UNC13C: variants seen among roughly 807,000 people sequenced by gnomAD.
The protein encoded by UNC13C is unc-13 homolog C, also known as protein unc-13 homolog C.
Under a neutral mutation model 245.4 loss-of-function variants are expected in UNC13C, and 174 were observed. The observed-to-expected ratio is 0.71, with a 90% CI of 0.63 to 0.80. UNC13C has a LOEUF of 0.80. Ranked by LOEUF, UNC13C falls within the 30% of genes least tolerant of loss-of-function variation. The pLI, the probability that UNC13C is intolerant of heterozygous loss-of-function variation, is 0.00. For synonymous variants in UNC13C, 992 were observed against 895.1 expected (o/e 1.11, Z -1.93); for missense variants, 2,829 against 2,602.9 (o/e 1.09, Z -1.89).
intron 4 of UNC13C, among the ~76,000 whole-genome samples, chr15:54,231,004 C>T (rs75873755): frequency 0.011 from 1,618 of 152,088 alleles, 30 homozygotes; most frequent in African/African-American, 0.037. Flanking sequence ...CTACTTCCAT[C>T]GATGTCTTCA....
intron 30 of UNC13C, chr15:54,611,594 A>T (rs1253219502): frequency 1.3e-5 from 2 of 152,158 alleles, no homozygotes; most frequent in East Asian, 3.9e-4. Context: ...CAACTATTTT[A>T]AACTCTTCTG....
At chr15:54,235,184 T>C in intron 5 of UNC13C, 76 bp downstream of exon 5, 57 of 1,250,996 alleles carry the variant, frequency 4.6e-5, no homozygotes, top group Middle Eastern at 1.9e-4. Context: ...GTCCTTCTCA[T>C]TCACTGTCTA....
chr15:54,008,387 A>C (rs1295466050), intron 1 of UNC13C, among the ~76,000 whole-genome samples: 1 of 152,234 alleles, frequency 6.6e-6, no homozygotes, highest in Non-Finnish European at 1.5e-5. Flanking sequence ...AAATGAGATA[A>C]ACTTTAGAAA....
chr15:54,233,287 A>G (rs1439813756), intron 4 of UNC13C, among the ~76,000 whole-genome samples: 1 of 152,036 alleles, frequency 6.6e-6, no homozygotes, highest in African/African-American at 2.4e-5. Flanking sequence ...CCCTGAACAC[A>G]TTCTCTTCAG....
At chr15:54,353,818 T>A (rs542148724) in intron 17 of UNC13C, among the ~76,000 whole-genome samples, 1 of 152,194 alleles carries the variant, frequency 6.6e-6, no homozygotes, top group Non-Finnish European at 1.5e-5. Context: ...ACTCCTGGGG[T>A]TCTGTCCTTG....
At chr15:54,375,570 T>C (rs186021690) in intron 17 of UNC13C, among the ~76,000 whole-genome samples, 64 of 152,342 alleles carry the variant, frequency 4.2e-4, no homozygotes, top group Admixed American at 9.8e-4. Flanking sequence ...TAAGTTTGAA[T>C]TGAATCAATG....
rs529076917 is a variant in UNC13C, at chr15:54,296,391, T to TTTTTTTTG, written c.3989-1419_3989-1418insTTTTTTGT. Among the ~76,000 whole-genome samples, 60 of 137,892 alleles carry TTTTTTTTG rather than the reference T, an allele frequency of 4.4e-4. 1 individual carries two copies. The highest frequency in any genetic ancestry group is 1.5e-3 in the African/African-American group (51 of 34,110). 90.5% of individuals were successfully genotyped at this position (137,892 alleles called of 152,430 possible). On this transcript the variant is annotated intron_variant, in intron 11 of 32. Transcript: ENST00000260323. ...AATTTTTTTTTTTTTTTATTTTTTT[T>TTTTTTTTG]TATTTTTTAGTGGAGACGGGGTTTC...
At chr15:54,141,263 G>T (rs2032004907) in intron 2 of UNC13C, among the ~76,000 whole-genome samples, 1 of 151,894 alleles carries the variant, frequency 6.6e-6, no homozygotes. Context: ...TGCATGTTTT[G>T]ATTACTAGAT....
intron 30 of UNC13C, among the ~76,000 whole-genome samples, chr15:54,615,865 A>C (rs989057596): frequency 5.9e-5 from 9 of 152,058 alleles, no homozygotes; most frequent in East Asian, 5.8e-4. Context: ...GAAAGAATCC[A>C]GAACTGAAAA....
chr15:54,147,540 A>G lies in UNC13C; in HGVS notation c.3071+3856A>G, dbSNP rs187611282. Among the ~76,000 whole-genome samples, 15 of 152,200 alleles carry G rather than the reference A, an allele frequency of 9.9e-5. No individual in the cohort carries two copies. The East Asian group carries it at 2.3e-3, about 24-fold the overall frequency. On this transcript the variant is annotated intron_variant, in intron 4 of 32. Coordinates refer to ENST00000260323, the MANE Select transcript of UNC13C (RefSeq NM_001080534.3). ...AGCCTGATGAAACTACTTTTATTCA[A>G]TGATAGTGAACAAAGTCACATGAGT...
intron 2 of UNC13C, among the ~76,000 whole-genome samples, chr15:54,136,727 T>A (rs1254526726): frequency 2.6e-5 from 4 of 152,166 alleles, no homozygotes; most frequent in African/African-American, 9.7e-5. Flanking sequence ...TCCCTCGATA[T>A]CTGATTTGCT....
chr15:53,927,745 G>C, the UNC13C span, among the ~76,000 whole-genome samples: 1 of 152,158 alleles, frequency 6.6e-6, no homozygotes, highest in African/African-American at 2.4e-5. Flanking sequence ...GGAAGTTTTA[G>C]AAATGGATCC....
chr15:54,358,045 C>T (rs1432293857), intron 17 of UNC13C, among the ~76,000 whole-genome samples: 5 of 152,002 alleles, frequency 3.3e-5, no homozygotes, highest in Admixed American at 6.6e-5. Context: ...AGTATGCAAT[C>T]GAGCTTTCCT....
intron 1 of UNC13C, among the ~76,000 whole-genome samples, chr15:53,995,668 T>C (rs1455990133): frequency 3.9e-5 from 6 of 152,018 alleles, no homozygotes; most frequent in Non-Finnish European, 7.4e-5. Context: ...GAAGTAGCTG[T>C]GGTCAGAGAG....
chr15:54,612,545 A>T (rs1900170107), intron 30 of UNC13C, among the ~76,000 whole-genome samples: 1 of 152,036 alleles, frequency 6.6e-6, no homozygotes, highest in African/African-American at 2.4e-5. Context: ...ACAGATATCA[A>T]ATGATTCCTG....
At chr15:54,116,425 CT>C (rs1018999026) in intron 2 of UNC13C, among the ~76,000 whole-genome samples, 14 of 152,078 alleles carry the variant, frequency 9.2e-5, no homozygotes, top group African/African-American at 3.4e-4. Context: ...TCTTTATAAC[CT>C]CTTCCCCCAT....
At chr15:54,522,219 C>G (rs1895250112) in intron 24 of UNC13C, among the ~76,000 whole-genome samples, 1 of 151,878 alleles carries the variant, frequency 6.6e-6, no homozygotes, top group African/African-American at 2.4e-5. Context: ...GCCTGTAATC[C>G]CAGCACTTTG....
chr15:54,085,653 C>T (rs1351425741), intron 2 of UNC13C, among the ~76,000 whole-genome samples: 1 of 152,044 alleles, frequency 6.6e-6, no homozygotes, highest in African/African-American at 2.4e-5. Context: ...TCCTTTGTCA[C>T]CCAGGCTGTT....
At chr15:54,601,413 C>G (rs1347866751) in intron 30 of UNC13C, among the ~76,000 whole-genome samples, 1 of 152,102 alleles carries the variant, frequency 6.6e-6, no homozygotes, top group Non-Finnish European at 1.5e-5. Context: ...AAGGAGAGCA[C>G]TTGATGGTAG....
Sources: allele counts gnomAD v4.1 joint callset (sites outside exome capture counted in the v4.1 genomes callset), GRCh38; gene constraint gnomAD v4.1.1; transcripts MANE v1.5; gene names NCBI Gene and HGNC (gene_info 2026-07-23, HGNC 2026-07-21).